The following L3MBTL2 variants were observed in gnomAD, a reference collection of about 807,000 sequenced individuals.
L3MBTL2 encodes lethal(3)malignant brain tumor-like protein 2.
L3MBTL2 carries 49 observed loss-of-function variants against 86.4 expected under a neutral mutation model. The ratio of observed to expected loss-of-function variants is 0.57; its 90% confidence interval spans 0.45 to 0.72. L3MBTL2 has a LOEUF of 0.72. Among genes scored for constraint, L3MBTL2 ranks in the 30% least tolerant of loss-of-function variants. L3MBTL2 has a pLI of 0.00. For synonymous variants in L3MBTL2, 336 were observed against 350.6 expected, an observed-to-expected ratio of 0.96 and a Z score of 0.47; for missense variants, 755 against 923.7, an observed-to-expected ratio of 0.82 and a Z score of 2.37.
chr22:41,208,837 G>A (rs1402606732), intron 1 of L3MBTL2, among the ~76,000 whole-genome samples: 1 of 152,086 alleles, frequency 6.6e-6, no homozygotes, highest in South Asian at 2.1e-4. Flanking sequence ...TCCACCTCCC[G>A]GGTTCAAGCA....
chr22:41,228,852 A>C (rs2032378982), intron 15 of L3MBTL2, among the ~76,000 whole-genome samples: 1 of 126,032 alleles, frequency 7.9e-6, no homozygotes, highest in Non-Finnish European at 1.7e-5. Flanking sequence ...TCCATCGCAC[A>C]AAAAAAAAAA....
rs1354154928 is a variant in L3MBTL2, at chr22:41,213,778, G to C, written c.263-115G>C. The C allele has an allele frequency of 4.4e-6, 5 of 1,125,904 alleles. No homozygotes were observed. In the South Asian group the frequency reaches 7.0e-5, roughly 16 times the overall value. 69.7% of individuals were successfully genotyped at this position (1,125,904 alleles called of 1,614,324 possible). A position where few individuals can be genotyped will look rare whatever the true frequency, so the allele number is the denominator to read the frequency against. On this transcript the variant is annotated intron_variant, in intron 2 of 16. Transcript: ENST00000216237. Reference sequence around the variant, plus strand: ...TCCTCCTCTTATTCCATTAGCCTTTGTGGGGGCAGGGGCTCACCTGGTTAA... The same window carrying C: ...TCCTCCTCTTATTCCATTAGCCTTTCTGGGGGCAGGGGCTCACCTGGTTAA...
intron 2 of L3MBTL2, chr22:41,213,650 A>G (rs2031100783): frequency 2.8e-6 from 1 of 357,616 alleles, no homozygotes; most frequent in Non-Finnish European, 5.1e-6. Flanking sequence ...AGTCGTCCTC[A>G]TGGATTTCCA....
rs760882668 is a variant in L3MBTL2 at position 41,227,887 on chromosome 22, G to A, written c.1888+18G>A. 6.2e-7 allele frequency: 1 copy of A among 1,610,966 alleles called. No individual in the cohort carries two copies. Among genetic ancestry groups the A allele is most frequent in the Non-Finnish European group, 8.5e-7 (1 of 1,178,498 alleles). ...GAAGAAAAGTAAGTGCTGCACCGGT[G>A]CAGCCAGGCTGGTGTGGGCCTGGGA... On this transcript the variant is annotated intron_variant, in intron 15 of 16. Transcript: ENST00000216237. This position sits in a 1 kb window ranked among gnomAD's most constrained non-coding sequence, Gnocchi z 6.0.
chr22:41,207,375 A>C (rs1031222178), intron 1 of L3MBTL2, among the ~76,000 whole-genome samples: 21 of 147,494 alleles, frequency 1.4e-4, no homozygotes, highest in African/African-American at 5.0e-4. Context: ...TCCCTAACCA[A>C]AACACCCAGC....
In L3MBTL2 at chr22:41,227,766, C is replaced by CTCTTCTCA. The variant is rs1430809542; in HGVS notation, c.1823-34_1823-27dup. On this transcript the variant is annotated intron_variant, in intron 14 of 16. Transcript: ENST00000216237. The surrounding 1 kb of genome is among the most constrained non-coding windows in gnomAD (Gnocchi z 6.0). ...TGTGCCCTGTGTCCTCCCAGGGACC[C>CTCTTCTCA]TCTTCTCATCTCTTTCACCCTTGTC... 4 of 1,613,104 alleles carry CTCTTCTCA rather than the reference C, an allele frequency of 2.5e-6. No individual in the cohort carries two copies. The highest frequency in any genetic ancestry group is 3.4e-6 in the Non-Finnish European group (4 of 1,179,574).
Position 41,209,861 on chromosome 22 carries a change from C to G in L3MBTL2, c.190C>G (p.Leu64Val). 6.2e-7 allele frequency: 1 copy of G among 1,614,176 alleles called. No homozygotes were observed. The highest frequency in any genetic ancestry group is 8.5e-7 in the Non-Finnish European group (1 of 1,180,046). The change falls in exon 2 of 17, where the codon CTG (leucine) becomes GTG (valine). Residue 64 changes from leucine to valine, a missense_variant. Around this residue, in one of 3 missense-constraint regions of L3MBTL2, gnomAD observed 103 missense variants for 105.2 expected, o/e 0.98. Coordinates refer to ENST00000216237, the MANE Select transcript of L3MBTL2 (RefSeq NM_031488.5). ...AAATGAGGATCGGGAAGCAGGGGAA[C>G]TGCCGACCTCCCCGCTGCATTTGCT... Reference protein sequence around the residue: ...AENEDREAGELPTSPLHLLSP... With the variant: ...AENEDREAGEVPTSPLHLLSP...
intron 1 of L3MBTL2, chr22:41,209,446 TATC>T (rs2030533908): frequency 2.3e-6 from 1 of 441,220 alleles, no homozygotes. Context: ...CATGTTAAAA[TATC>T]ATCATTTGTA....
At position 41,225,113 on chromosome 22, in the gene L3MBTL2, G is replaced by A. The variant is rs371548323; in HGVS notation, c.1356+42G>A. On this transcript the variant is annotated intron_variant, in intron 11 of 16. Coordinates refer to ENST00000216237, the MANE Select transcript of L3MBTL2 (RefSeq NM_031488.5). This position sits in a 1 kb window ranked among gnomAD's most constrained non-coding sequence, Gnocchi z 4.1. ...CTCTCCAGCCTCCAGATTTCTGAGC[G>A]GGGGGACCCATGTGGCCCAGAGCTC... is the stretch of plus-strand genomic sequence containing the variant. 30 of 1,533,488 alleles carry A rather than the reference G, an allele frequency of 2.0e-5. No individual in the cohort carries two copies. The highest frequency in any genetic ancestry group is 9.0e-5 in the East Asian group (4 of 44,426). The allele number at this position is 1,533,488 out of a possible 1,614,324, so 95.0% of individuals were successfully genotyped here. A position where few individuals can be genotyped will look rare whatever the true frequency, so the allele number is the denominator to read the frequency against.
chr22:41,215,728 G>A (rs1054663169), intron 3 of L3MBTL2, among the ~76,000 whole-genome samples: 3 of 152,178 alleles, frequency 2.0e-5, no homozygotes, highest in African/African-American at 7.2e-5. Context: ...ATTCGCCTAT[G>A]TGGACCCTCT....
At chr22:41,219,741 T>C (rs1279435514) in intron 6 of L3MBTL2, among the ~76,000 whole-genome samples, 2 of 152,030 alleles carry the variant, frequency 1.3e-5, no homozygotes, top group African/African-American at 4.8e-5. Flanking sequence ...TTTGTTTGTT[T>C]TTGTTATTTT....
intron 6 of L3MBTL2, 134 bp downstream of exon 6, chr22:41,219,670 A>G (rs2031670103): frequency 3.2e-6 from 2 of 632,128 alleles, no homozygotes; most frequent in African/African-American, 3.6e-5. Context: ...CCCCACTTCT[A>G]AGGATTCTTT....
At chr22:41,221,061 G>A (rs1254045175) in intron 7 of L3MBTL2, 138 bp from the exon 8 acceptor site, 2 of 948,880 alleles carry the variant, frequency 2.1e-6, no homozygotes, top group Non-Finnish European at 3.1e-6. Context: ...GTTCTCAGAT[G>A]AAGTCATTGC....
At chr22:41,219,825 T>TC (rs2031683360) in intron 6 of L3MBTL2, among the ~76,000 whole-genome samples, 1 of 152,190 alleles carries the variant, frequency 6.6e-6, no homozygotes, top group African/African-American at 2.4e-5. Flanking sequence ...CACTGCAACC[T>TC]CCACCTCCTG....
At chr22:41,206,463 A>G (rs1288137762) in intron 1 of L3MBTL2, among the ~76,000 whole-genome samples, 1 of 151,962 alleles carries the variant, frequency 6.6e-6, no homozygotes, top group South Asian at 2.1e-4. Context: ...CTGGGACTAT[A>G]GGTGGTCTCT....
At position 41,226,720 on chromosome 22, in the gene L3MBTL2, C is replaced by T. The variant is rs115624343; in HGVS notation, c.1563C>T (p.Ala521=). Residue 521 remains alanine, a synonymous_variant, in exon 13 of 17, where the codon GCC becomes GCT. Coordinates refer to ENST00000216237, the MANE Select transcript of L3MBTL2 (RefSeq NM_031488.5). ...ENYLEKTKSK[A]APSRLFNMDC... ...ACTTGGAGAAGACCAAGTCGAAAGC[C>T]GCTCCATCGAGACTCTTTAACATGG... is the stretch of plus-strand genomic sequence containing the variant. 1,016 of 1,613,866 alleles carry T rather than the reference C, an allele frequency of 6.3e-4. 2 individuals are homozygous for T. In the African/African-American group the frequency reaches 0.011, roughly 18 times the overall value.
In L3MBTL2 at chr22:41,216,166, G is replaced by C. The variant is rs1384474613; in HGVS notation, c.424G>C (p.Val142Leu). 1.2e-6 allele frequency: 2 copies of C among 1,614,036 alleles called. No homozygotes were observed. The highest frequency in any genetic ancestry group is 1.7e-6 in the Non-Finnish European group (2 of 1,179,984). The part of the protein sequence containing the change: ...QGKPPTKKAK[V>L]LHKAAWSAKI... Reference sequence around the variant, plus strand: ...AAAACCACCGACCAAAAAAGCCAAAGTCCTGCACAAGGCTGCCTGGTCTGC... The same window carrying C: ...AAAACCACCGACCAAAAAAGCCAAACTCCTGCACAAGGCTGCCTGGTCTGC... The change falls in exon 4 of 17, where the codon GTC (valine) becomes CTC (leucine). Residue 142 changes from valine (V) to leucine (L), a missense_variant. Coordinates refer to ENST00000216237, the MANE Select transcript of L3MBTL2 (RefSeq NM_031488.5).
At chr22:41,206,824 G>C (rs1352289816) in intron 1 of L3MBTL2, among the ~76,000 whole-genome samples, 3 of 151,688 alleles carry the variant, frequency 2.0e-5, no homozygotes, top group Non-Finnish European at 4.4e-5. Flanking sequence ...AAAAAAAATT[G>C]CTTCCTTTCT....
intron 5 of L3MBTL2, chr22:41,219,075 G>A: frequency 4.5e-6 from 1 of 222,394 alleles, no homozygotes; most frequent in Non-Finnish European, 9.3e-6. Context: ...CCCTGCCATT[G>A]CTCGGGCTGG....
Sources: allele counts gnomAD v4.1 joint callset (sites outside exome capture counted in the v4.1 genomes callset), GRCh38; gene constraint gnomAD v4.1.1; regional missense constraint gnomAD v4.1.1; non-coding constraint Gnocchi (gnomAD v3.1); transcripts MANE v1.5; gene names NCBI Gene and HGNC (gene_info 2026-07-23, HGNC 2026-07-21).